KDM4C: variants seen among roughly 807,000 people sequenced by gnomAD.
KDM4C encodes the protein lysine demethylase 4C.
KDM4C carries 81 observed loss-of-function variants against 129.3 expected under a neutral mutation model. The ratio of observed to expected loss-of-function variants is 0.63; its 90% CI spans 0.52 to 0.75. The LOEUF is 0.75. Among genes scored for constraint, KDM4C ranks in the 30% least tolerant of loss-of-function variants. KDM4C has a pLI of 0.00. For synonymous variants in KDM4C, 573 were observed against 456.1 expected, an observed-to-expected ratio of 1.26 and a Z score of -3.26; for missense variants, 1,457 against 1,304.0, an observed-to-expected ratio of 1.12 and a Z score of -1.81.
intron 10 of KDM4C, among the ~76,000 whole-genome samples, chr9:6,986,011 C>A (rs1038828725): frequency 6.6e-6 from 1 of 152,204 alleles, no homozygotes; most frequent in African/African-American, 2.4e-5. Context: ...CTTTCTCTTA[C>A]ACTGTGTTTA....
At chr9:7,060,132 G>A (rs1029032209) in intron 17 of KDM4C, among the ~76,000 whole-genome samples, 1 of 151,436 alleles carries the variant, frequency 6.6e-6, no homozygotes, top group African/African-American at 2.4e-5. Flanking sequence ...AACTTATCAG[G>A]TGGAAGGGAA....
At chr9:7,042,994 G>A (rs542484220) in intron 15 of KDM4C, among the ~76,000 whole-genome samples, 2 of 152,122 alleles carry the variant, frequency 1.3e-5, no homozygotes, top group South Asian at 4.1e-4. Flanking sequence ...CTATAGTTGT[G>A]CAAAGTCTAA....
intron 8 of KDM4C, among the ~76,000 whole-genome samples, chr9:6,922,694 C>T (rs780929242): frequency 5.3e-5 from 8 of 152,246 alleles, no homozygotes; most frequent in Non-Finnish European, 1.2e-4. Flanking sequence ...TTGCAGTGAA[C>T]CATGATTGCA....
intron 18 of KDM4C, among the ~76,000 whole-genome samples, chr9:7,121,564 C>T (rs1275988170): frequency 1.3e-5 from 2 of 152,074 alleles, no homozygotes; most frequent in Non-Finnish European, 1.5e-5. Flanking sequence ...GATGTGGAAA[C>T]GGGGAGGAGT....
chr9:6,780,631 A>G (rs72699655), intron 1 of KDM4C, among the ~76,000 whole-genome samples: 14,630 of 151,632 alleles, frequency 0.096, 821 homozygotes, highest in Non-Finnish European at 0.11. Flanking sequence ...GCCGGGTGTG[A>G]TACTGTCCAC....
At chr9:6,891,864 A>G (rs1459393236) in intron 7 of KDM4C, among the ~76,000 whole-genome samples, 1 of 152,152 alleles carries the variant, frequency 6.6e-6, no homozygotes, top group African/African-American at 2.4e-5. Context: ...TATCATAAAA[A>G]AAGAAAATAG....
At chr9:6,997,888 C>A (rs1193908274) in intron 12 of KDM4C, among the ~76,000 whole-genome samples, 1 of 152,204 alleles carries the variant, frequency 6.6e-6, no homozygotes, top group African/African-American at 2.4e-5. Flanking sequence ...AACTCTTCAA[C>A]TATAATTTTA....
At chr9:6,913,083 A>G (rs1355869283) in intron 8 of KDM4C, among the ~76,000 whole-genome samples, 1 of 152,184 alleles carries the variant, frequency 6.6e-6, no homozygotes, top group African/African-American at 2.4e-5. Flanking sequence ...ACTATGACAT[A>G]CTTGAGACAT....
chr9:7,148,215 G>A (rs1182747264), intron 19 of KDM4C, among the ~76,000 whole-genome samples: 2 of 152,380 alleles, frequency 1.3e-5, no homozygotes, highest in East Asian at 3.9e-4. Context: ...AGGAAGTGCA[G>A]AGCCCCAGAG....
Position 7,104,064 on chromosome 9 carries a change from G to C in KDM4C, c.2610+194G>C. 3 of 564,664 alleles carry C rather than the reference G, an allele frequency of 5.3e-6. No individual in the cohort carries two copies. The South Asian group carries it at 6.7e-5, about 13-fold the overall frequency. The allele number at this position is 564,664 out of a possible 1,614,324, so 35.0% of individuals were successfully genotyped here. ...TTTGCCTAGGACCTGTCAAGTGCCT[G>C]GTGCACGCTAGGCACAATAAATCTG... On this transcript the variant is annotated intron_variant, in intron 18 of 21. Coordinates refer to ENST00000381309, the MANE Select transcript of KDM4C (RefSeq NM_015061.6).
chr9:6,765,782 A>G (rs1412695669), intron 1 of KDM4C, among the ~76,000 whole-genome samples: 1 of 152,026 alleles, frequency 6.6e-6, no homozygotes, highest in Non-Finnish European at 1.5e-5. Context: ...GCTGTACTCT[A>G]TTTTCTTTTT....
At chr9:7,005,831 C>A (rs980376852) in intron 12 of KDM4C, among the ~76,000 whole-genome samples, 2 of 152,172 alleles carry the variant, frequency 1.3e-5, no homozygotes, top group Non-Finnish European at 2.9e-5. Context: ...GGTTTAGAAT[C>A]ATCACCCAAC....
Position 6,887,984 on chromosome 9 carries a change from G to T in KDM4C, c.704G>T (p.Gly235Val). The part of the protein sequence containing the change: ...AQGFFPSSSQ[G>V]CDAFLRHKMT... ...GGTTTTTTCCCAAGCAGCTCCCAAG[G>T]GTGTGATGCATTTCTTCGCCACAAG... Residue 235 changes from glycine to valine, a missense_variant, in exon 7 of 22, where the codon GGG (glycine) becomes GTG (valine). Gly to Val is a moderately radical substitution (Grantham distance 109). Transcript: ENST00000381309. 1 of 1,610,900 alleles carries T rather than the reference G, an allele frequency of 6.2e-7. No individual in the cohort carries two copies. The highest frequency in any genetic ancestry group is 8.5e-7 in the Non-Finnish European group (1 of 1,177,446).
rs559480828 is a variant in KDM4C, at chr9:7,125,146, G to T, written c.2611-2920G>T. On this transcript the variant is annotated intron_variant, in intron 18 of 21. Transcript: ENST00000381309. ...CCCAGTGCCCTGACCCCTGCTCCCC[G>T]GGCCATTTCTCTAGTTTCTCCTACT... 2.9e-3 allele frequency among the ~76,000 whole-genome samples: 437 copies of T among 152,030 alleles called. 2 individuals carry two copies. Among genetic ancestry groups the T allele is most frequent in the South Asian group, 0.016 (79 of 4,808 alleles).
intron 1 of KDM4C, chr9:6,748,873 C>G (rs1329919698): frequency 3.0e-6 from 3 of 995,534 alleles, no homozygotes; most frequent in South Asian, 2.5e-5. Context: ...TTCACTTGCT[C>G]ATAGAGCCAC....
intron 1 of KDM4C, among the ~76,000 whole-genome samples, chr9:6,783,199 G>A (rs1318671309): frequency 6.6e-6 from 1 of 152,114 alleles, no homozygotes; most frequent in African/African-American, 2.4e-5. Context: ...CTGACCTGTG[G>A]TATAATAACC....
Position 7,085,748 on chromosome 9 carries a change from G to A in KDM4C, c.2425-17937G>A, listed in dbSNP as rs78792239. 3.7e-4 allele frequency among the ~76,000 whole-genome samples: 56 copies of A among 152,196 alleles called. 2 individuals carry two copies. The East Asian group carries it at 0.011, about 29-fold the overall frequency. On this transcript the variant is annotated intron_variant, in intron 17 of 21. Transcript: ENST00000381309. ...GATAATCTGAGCATTTATAGAAAACGGAGCTCCCCACTGGGCCTATGCGTT... is the reference window on the plus strand; with the variant it reads ...GATAATCTGAGCATTTATAGAAAACAGAGCTCCCCACTGGGCCTATGCGTT...
intron 8 of KDM4C, among the ~76,000 whole-genome samples, chr9:6,898,673 G>T (rs1452668315): frequency 1.3e-5 from 2 of 152,160 alleles, no homozygotes; most frequent in Non-Finnish European, 2.9e-5. Flanking sequence ...CCTTTAATCT[G>T]GCAGGGGTTT....
chr9:7,055,361 C>A (rs1334155083), intron 17 of KDM4C, among the ~76,000 whole-genome samples: 2 of 152,160 alleles, frequency 1.3e-5, no homozygotes, highest in African/African-American at 4.8e-5. Context: ...GCAGGATTTG[C>A]CCCTGGGCAT....
Sources: allele counts gnomAD v4.1 joint callset (sites outside exome capture counted in the v4.1 genomes callset), GRCh38; gene constraint gnomAD v4.1.1; transcripts MANE v1.5; gene names NCBI Gene and HGNC (gene_info 2026-07-23, HGNC 2026-07-21).